The following FAM221B variants were observed in gnomAD, a reference collection of about 807,000 sequenced individuals.
FAM221B encodes family with sequence similarity 221 member B.
FAM221B carries 35 observed loss-of-function variants against 39.8 expected under a neutral mutation model. The ratio of observed to expected loss-of-function variants is 0.88; its 90% CI spans 0.67 to 1.17. The LOEUF (loss-of-function observed/expected upper bound fraction) is 1.17. Ranked by LOEUF, FAM221B falls within the 50% of genes most tolerant of loss-of-function variation. The pLI, the probability that FAM221B is intolerant of heterozygous loss-of-function variation, is 0.00. For missense variants in FAM221B, 479 were observed against 503.1 expected, an observed-to-expected ratio of 0.95 and a Z score of 0.46; for synonymous variants, 158 against 178.1, an observed-to-expected ratio of 0.89 and a Z score of 0.90.
Position 35,825,592 on chromosome 9 carries a change from A to C in FAM221B, c.570T>G (p.Ala190=), listed in dbSNP as rs981788234. ...GTTGGTGTCCAGGTTGGGCTGTGTG[A>C]GCAGTGCTGTCACTGGCATCTACTC... ...EKGVDASDST[A]HTAQPGHQLG... The change falls in exon 2 of 7, where the codon GCT becomes GCG. Residue 190 remains alanine (A), a synonymous_variant. Transcript: ENST00000423537. The surrounding 1 kb of genome is among the most constrained non-coding windows in gnomAD (Gnocchi z 4.2). 2.5e-6 allele frequency: 4 copies of C among 1,613,304 alleles called. No homozygotes were observed. The highest frequency in any genetic ancestry group is 3.4e-6 in the Non-Finnish European group (4 of 1,179,564).
At chr9:35,827,969 T>C (rs1384828676) in intron 1 of FAM221B, among the ~76,000 whole-genome samples, 2 of 150,078 alleles carry the variant, frequency 1.3e-5, no homozygotes, top group Middle Eastern at 3.2e-3. Context: ...GAGGAGGAAA[T>C]TGGGTGGAGG....
At position 35,817,911 on chromosome 9, in the gene FAM221B, C is replaced by T. The variant is rs908556659; in HGVS notation, c.*558G>A. On this transcript the variant is annotated 3_prime_UTR_variant, in exon 7 of 7. Transcript: ENST00000423537. ...TTCCTCCATCTCTGGGATCTTGTCT[C>T]ACCAGGCATCTCTTCTCTCTCTTCT... The T allele has an allele frequency of 1.3e-4, 20 of 153,898 alleles. No homozygotes were observed. The highest frequency in any genetic ancestry group is 2.5e-4 in the Non-Finnish European group (17 of 69,258). The allele number at this position is 153,898 out of a possible 1,614,324, so 9.5% of individuals were successfully genotyped here.
In FAM221B at chr9:35,825,399, A is replaced by G; in HGVS notation, c.599-26T>C. 3 of 1,613,468 alleles carry G rather than the reference A, an allele frequency of 1.9e-6. No homozygotes were observed. Among genetic ancestry groups the G allele is most frequent in the Non-Finnish European group, 2.5e-6 (3 of 1,179,870 alleles). The stretch of plus-strand genomic sequence containing the variant: ...CTAGGATGGGAGAGGATGAGTAACC[A>G]GGGGGAAGTGAGAAGGCCCTAAAAC... On this transcript the variant is annotated intron_variant, in intron 2 of 6. Coordinates refer to ENST00000423537, the MANE Select transcript of FAM221B (RefSeq NM_001012446.4). This position sits in a 1 kb window ranked among gnomAD's most constrained non-coding sequence, Gnocchi z 4.2.
intron 5 of FAM221B, 93 bp downstream of exon 5, chr9:35,819,104 A>G: frequency 6.5e-7 from 1 of 1,537,386 alleles, no homozygotes; most frequent in African/African-American, 1.4e-5. Flanking sequence ...CCGCATGCCC[A>G]AGGCTCTCAT....
At chr9:35,819,733 C>G (rs1829103031) in intron 4 of FAM221B, among the ~76,000 whole-genome samples, 157 bp downstream of exon 4, 1 of 148,542 alleles carries the variant, frequency 6.7e-6, no homozygotes, top group Non-Finnish European at 1.5e-5. Context: ...GTCTCGATCT[C>G]CTGACCTTTG....
At chr9:35,823,206 C>T (rs1829190151) in intron 3 of FAM221B, among the ~76,000 whole-genome samples, 1 of 152,200 alleles carries the variant, frequency 6.6e-6, no homozygotes, top group African/African-American at 2.4e-5. Flanking sequence ...ATAAGATGCC[C>T]CTTTTTTTTC....
At chr9:35,818,545 G>T (rs370063671) in intron 6 of FAM221B, 39 bp from the exon 7 acceptor site, 1 of 1,546,766 alleles carries the variant, frequency 6.5e-7, no homozygotes, top group African/African-American at 1.4e-5. Context: ...GGTCAGGTAT[G>T]GGGGTCAGAA....
chr9:35,819,440 G>GCCT, intron 4 of FAM221B, 46 bp from the exon 5 acceptor site: 1 of 1,501,702 alleles, frequency 6.7e-7, no homozygotes, highest in Non-Finnish European at 9.0e-7. Flanking sequence ...ATAGGACCTT[G>GCCT]CCTTCTCATG....
intron 3 of FAM221B, among the ~76,000 whole-genome samples, chr9:35,824,659 GT>G (rs892735728): frequency 2.7e-5 from 4 of 147,556 alleles, no homozygotes; most frequent in Admixed American, 6.7e-5. Context: ...TGACCCTTCT[GT>G]TTTTTTTTGT....
chr9:35,818,203 C>A lies in FAM221B; in HGVS notation c.*266G>T. 2.0e-6 allele frequency: 1 copy of A among 512,522 alleles called. No individual in the cohort carries two copies. The highest frequency in any genetic ancestry group is 2.3e-5 in the South Asian group (1 of 42,984). 31.7% of individuals were successfully genotyped at this position (512,522 alleles called of 1,614,324 possible). A position where few individuals can be genotyped will look rare whatever the true frequency, so the allele number is the denominator to read the frequency against. On this transcript the variant is annotated 3_prime_UTR_variant, in exon 7 of 7. Transcript: ENST00000423537. ...CTTTTCAGTCTTTATCTTATTGGTG[C>A]CCCAACTGCATCTAACATCACTTCC...
rs996004670 is a variant in FAM221B at position 35,825,145 on chromosome 9, G to T, written c.742+85C>A. The T allele has an allele frequency of 4.6e-6, 7 of 1,514,106 alleles. No individual in the cohort carries two copies. The highest frequency in any genetic ancestry group is 5.4e-6 in the Non-Finnish European group (6 of 1,108,552). 93.8% of individuals were successfully genotyped at this position (1,514,106 alleles called of 1,614,324 possible). ...CCATTTCCAAAAGGGGAAGCTATCTGCTGAATGTTCAGGTTCCCAGATCTT... is the reference window on the plus strand; with the variant it reads ...CCATTTCCAAAAGGGGAAGCTATCTTCTGAATGTTCAGGTTCCCAGATCTT... On this transcript the variant is annotated intron_variant, in intron 3 of 6. Transcript: ENST00000423537. This position sits in a 1 kb window ranked among gnomAD's most constrained non-coding sequence, Gnocchi z 4.2.
intron 3 of FAM221B, among the ~76,000 whole-genome samples, chr9:35,824,659 GTTTTTTT>G (rs892735728): frequency 6.8e-6 from 1 of 147,560 alleles, no homozygotes; most frequent in African/African-American, 2.5e-5. Flanking sequence ...TGACCCTTCT[GTTTTTTT>G]TTGTTTTTTG....
chr9:35,827,394 A>G (rs1829411367), intron 1 of FAM221B, among the ~76,000 whole-genome samples: 1 of 152,172 alleles, frequency 6.6e-6, no homozygotes, highest in South Asian at 2.1e-4. Context: ...TTATACTTTT[A>G]CAATGAGCCT....
rs1043897543 is a variant in FAM221B, at chr9:35,818,480, T to C, written c.1198A>G (p.Arg400Gly). The stretch of plus-strand genomic sequence containing the variant: ...GATCTGGGCCAGACTCACAAAGGCC[T>C]GTGCCAGTTGCTGACAGTGTCTGTC... Reference protein sequence around the residue: ...RGTDTVSNWHRPL With the variant: ...RGTDTVSNWHGPL Residue 400 changes from arginine (R) to glycine (G), a missense_variant, in exon 7 of 7, where the codon AGG becomes GGG. Arg to Gly is a moderately radical substitution (Grantham distance 125, BLOSUM62 -2). Coordinates refer to ENST00000423537, the MANE Select transcript of FAM221B (RefSeq NM_001012446.4). 24 of 1,551,762 alleles carry C rather than the reference T, an allele frequency of 1.5e-5. 1 individual carries two copies. In the Admixed American group the frequency reaches 1.8e-4, roughly 11 times the overall value.
rs574650154 is a variant in FAM221B, at chr9:35,819,906, C to T, written c.837G>A (p.Glu279=). 7.5e-6 allele frequency: 12 copies of T among 1,606,230 alleles called. No individual in the cohort carries two copies. The African/African-American group carries it at 1.6e-4, about 22-fold the overall frequency. Residue 279 remains glutamate (E), a synonymous_variant, in exon 4 of 7, where the codon GAG becomes GAA. Transcript: ENST00000423537. ...SRCFCGHLLR[E]HRIISDISVP... Reference sequence around the variant, plus strand: ...CTCCCCTACCTGAGATGATCCGGTGCTCTCTCAACAAGTGTCCACAAAAGC... The same window carrying T: ...CTCCCCTACCTGAGATGATCCGGTGTTCTCTCAACAAGTGTCCACAAAAGC...
At position 35,816,759 on chromosome 9, in the gene FAM221B, C is replaced by T. The variant is rs895790768; in HGVS notation, c.*1710G>A. On this transcript the variant is annotated 3_prime_UTR_variant, in exon 7 of 7. Transcript: ENST00000423537. Reference sequence around the variant, plus strand: ...TATTATTGTTAGAAAATCCTTTCTCCTCTAAAGGGCAGACATTTGATTCTG... The same window carrying T: ...TATTATTGTTAGAAAATCCTTTCTCTTCTAAAGGGCAGACATTTGATTCTG... The T allele has an allele frequency of 1.3e-5, 2 of 152,210 alleles. No homozygotes were observed. The highest frequency in any genetic ancestry group is 4.8e-5 in the African/African-American group (2 of 41,454). 9.4% of individuals were successfully genotyped at this position (152,210 alleles called of 1,614,324 possible).
At position 35,828,493 on chromosome 9, in the gene FAM221B, C is replaced by A. The variant is rs767521807; in HGVS notation, c.-31G>T. 1 of 985,300 alleles carries A rather than the reference C, an allele frequency of 1.0e-6. No homozygotes were observed. Among genetic ancestry groups the A allele is most frequent in the African/African-American group, 1.7e-5 (1 of 57,182 alleles). The allele number at this position is 985,300 out of a possible 1,614,324, so 61.0% of individuals were successfully genotyped here. The stretch of plus-strand genomic sequence containing the variant: ...GGGCTTTGGCTTGGTTGTTACAAGT[C>A]CTTAGGTCAAGACCTTGACTTAGGA... On this transcript the variant is annotated 5_prime_UTR_variant, in exon 1 of 7. Coordinates refer to ENST00000423537, the MANE Select transcript of FAM221B (RefSeq NM_001012446.4). This position sits in a 1 kb window ranked among gnomAD's most constrained non-coding sequence, Gnocchi z 4.5.
At chr9:35,821,640 G>A in intron 3 of FAM221B, 1 of 1,365,248 alleles carries the variant, frequency 7.3e-7, no homozygotes, top group Non-Finnish European at 9.8e-7. Context: ...TGGAGTAGCA[G>A]GATACATTAA....
Position 35,828,672 on chromosome 9 carries a change from C to T in FAM221B, c.-210G>A, listed in dbSNP as rs1829537222. 5.1e-6 allele frequency: 5 copies of T among 985,512 alleles called. No homozygotes were observed. In the South Asian group the frequency reaches 1.9e-4, roughly 37 times the overall value. The allele number at this position is 985,512 out of a possible 1,614,324, so 61.0% of individuals were successfully genotyped here. A position where few individuals can be genotyped will look rare whatever the true frequency, so the allele number is the denominator to read the frequency against. On this transcript the variant is annotated 5_prime_UTR_variant, in exon 1 of 7. It removes an upstream start codon present in the reference 5' UTR. Transcript: ENST00000423537. The surrounding 1 kb of genome is among the most constrained non-coding windows in gnomAD (Gnocchi z 4.5). ...GCAGAACTTCGCAAAGGAGCTCTGGCATGACCTGGGGAAGTGGGTAGGGAC... is the reference window on the plus strand; with the variant it reads ...GCAGAACTTCGCAAAGGAGCTCTGGTATGACCTGGGGAAGTGGGTAGGGAC...
Sources: allele counts gnomAD v4.1 joint callset (sites outside exome capture counted in the v4.1 genomes callset), GRCh38; gene constraint gnomAD v4.1.1; non-coding constraint Gnocchi (gnomAD v3.1); transcripts MANE v1.5; gene names NCBI Gene and HGNC (gene_info 2026-07-23, HGNC 2026-07-21).